FAM209A: variants seen among roughly 807,000 people sequenced by gnomAD.
FAM209A encodes the protein protein FAM209A.
FAM209A carries 4 observed loss-of-function variants against 9.8 expected under a neutral mutation model. The ratio of observed to expected loss-of-function variants is 0.41; its 90% CI spans 0.20 to 0.94. The LOEUF (loss-of-function observed/expected upper bound fraction) is 0.94. FAM209A is among the 40% of genes least tolerant of loss of function. The pLI is 0.32. For missense variants in FAM209A, 205 were observed against 209.4 expected (o/e 0.98, Z 0.13); for synonymous variants, 55 against 77.8 (o/e 0.71, Z 1.54).
At chr20:56,527,889 C>T (rs1985606966), downstream of FAM209A, among the ~76,000 whole-genome samples, 1 of 152,122 alleles carries the variant, frequency 6.6e-6, no homozygotes, top group African/African-American at 2.4e-5. Flanking sequence ...GACAGATCAC[C>T]TGAGGTCAGG....
At chr20:56,531,793 T>C in the FAM209A span, among the ~76,000 whole-genome samples, 1 of 151,548 alleles carries the variant, frequency 6.6e-6, no homozygotes, top group Admixed American at 6.6e-5. Flanking sequence ...ACCTGGCTAA[T>C]TTTTGTATTT....
chr20:56,528,947 A>C (rs970286452), downstream of FAM209A, among the ~76,000 whole-genome samples: 3 of 152,186 alleles, frequency 2.0e-5, no homozygotes, highest in African/African-American at 7.2e-5. Context: ...GGTGGCTCAC[A>C]CCTGTAATCC....
At chr20:56,525,181 C>A (rs1282334041) in intron 1 of FAM209A, 124 bp downstream of exon 1, 31 of 1,314,068 alleles carry the variant, frequency 2.4e-5, no homozygotes, top group Non-Finnish European at 3.1e-5. Flanking sequence ...TGGTCCTGGG[C>A]AAAGCTGGCA....
At chr20:56,528,923 A>G (rs1467751374), downstream of FAM209A, among the ~76,000 whole-genome samples, 3 of 152,210 alleles carry the variant, frequency 2.0e-5, no homozygotes, top group Non-Finnish European at 4.4e-5. Flanking sequence ...AAAACCCAAA[A>G]GAAGACCCGG....
downstream of FAM209A, chr20:56,526,183 T>A (rs1985524835): frequency 6.9e-7 from 1 of 1,441,550 alleles, no homozygotes; most frequent in Non-Finnish European, 9.2e-7. Context: ...CTTCTTTTCT[T>A]TTTTTCACTA....
At chr20:56,531,131 G>C (rs946509067), downstream of FAM209A, among the ~76,000 whole-genome samples, 1 of 151,964 alleles carries the variant, frequency 6.6e-6, no homozygotes, top group Non-Finnish European at 1.5e-5. Context: ...CTCACTTGGG[G>C]GATTCAGCCC....
At chr20:56,533,427 C>T in the FAM209A span, 12 of 1,613,832 alleles carry the variant, frequency 7.4e-6, no homozygotes, top group South Asian at 9.9e-5. Flanking sequence ...AGACAGAAAA[C>T]TAGCGAACCC....
rs199952020 is a variant in FAM209A at position 56,525,742 on chromosome 20, C to T, written c.250-62C>T. 148 of 1,543,026 alleles carry T rather than the reference C, an allele frequency of 9.6e-5. 2 individuals are homozygous for T. In the South Asian group the frequency reaches 1.2e-3, roughly 13 times the overall value. ...ACTACTCAAGTCTGCTGTTGTAACA[C>T]GAACTGTGTCAAAACCAACAAAGTT... On this transcript the variant is annotated intron_variant, in intron 1 of 1. Transcript: ENST00000371328.
chr20:56,526,184 T>G, downstream of FAM209A: 2 of 1,437,844 alleles, frequency 1.4e-6, no homozygotes, highest in South Asian at 3.0e-5. Flanking sequence ...TTCTTTTCTT[T>G]TTTTCACTAG....
downstream of FAM209A, among the ~76,000 whole-genome samples, chr20:56,526,523 G>GTA (rs1305894483): frequency 6.6e-6 from 1 of 152,020 alleles, no homozygotes; most frequent in African/African-American, 2.4e-5. Context: ...TAGGAGGGGT[G>GTA]TATTCTAGAG....
downstream of FAM209A, chr20:56,526,223 C>G (rs1204943872): frequency 2.7e-6 from 3 of 1,117,734 alleles, no homozygotes. Flanking sequence ...GACCAGTAGC[C>G]ATAGCAGTGA....
downstream of FAM209A, among the ~76,000 whole-genome samples, chr20:56,529,520 T>A (rs6024930): frequency 0.059 from 8,731 of 147,342 alleles, 284 homozygotes; most frequent in Middle Eastern, 0.1. Flanking sequence ...ATCTCAAAAA[T>A]AATAATAATT....
At chr20:56,525,288 C>A (rs1404768943) in intron 1 of FAM209A, among the ~76,000 whole-genome samples, 1 of 152,160 alleles carries the variant, frequency 6.6e-6, no homozygotes, top group African/African-American at 2.4e-5. Context: ...TACTGGCTCA[C>A]AGATTTTCTG....
downstream of FAM209A, among the ~76,000 whole-genome samples, chr20:56,528,427 CAAAAAAAAAAA>C (rs34236877): frequency 2.4e-5 from 2 of 81,854 alleles, no homozygotes; most frequent in African/African-American, 4.9e-5. Flanking sequence ...ACCCTCTCTA[CAAAAAAAAAAA>C]AAAAAAAAAA....
chr20:56,525,914 G>T lies in FAM209A; in HGVS notation c.360G>T (p.Glu120Asp), dbSNP rs1054352. Residue 120 changes from glutamate (E) to aspartate (D), a missense_variant, in exon 2 of 2, where the codon GAG (glutamate) becomes GAT (aspartate). Glu to Asp is a conservative substitution (Grantham distance 45). Coordinates refer to ENST00000371328, the MANE Select transcript of FAM209A (RefSeq NM_001012971.4). ...DCAFNTLMELEVELMKFVSKV... is the reference protein window; with the variant it reads ...DCAFNTLMELDVELMKFVSKV... ...CATTCAATACCTTAATGGAACTCGA[G>T]GTGGAGCTTATGAAATTTGTGTCCA... 4.3e-6 allele frequency: 7 copies of T among 1,614,222 alleles called. No individual in the cohort carries two copies. The highest frequency in any genetic ancestry group is 5.1e-6 in the Non-Finnish European group (6 of 1,180,044).
downstream of FAM209A, chr20:56,526,284 A>G: frequency 3.3e-6 from 2 of 605,224 alleles, no homozygotes; most frequent in Non-Finnish European, 5.3e-6. Context: ...GGTGGTGAGA[A>G]GAACACCGAA....
At chr20:56,529,104 A>T (rs141873951), downstream of FAM209A, among the ~76,000 whole-genome samples, 17 of 152,206 alleles carry the variant, frequency 1.1e-4, no homozygotes, top group African/African-American at 3.9e-4. Context: ...GCTACTTGGG[A>T]GGCTGAGGCA....
At chr20:56,526,733 G>A (rs1000161665), downstream of FAM209A, among the ~76,000 whole-genome samples, 6 of 151,622 alleles carry the variant, frequency 4.0e-5, no homozygotes, top group African/African-American at 7.3e-5. Context: ...CTGCACTCCA[G>A]CCTGGGTGAC....
chr20:56,532,436 G>T, the FAM209A span, among the ~76,000 whole-genome samples: 31 of 150,696 alleles, frequency 2.1e-4, no homozygotes, highest in African/African-American at 6.6e-4. Flanking sequence ...TGGGCCCAGT[G>T]CTTCCAGAAC....
Sources: allele counts gnomAD v4.1 joint callset (sites outside exome capture counted in the v4.1 genomes callset), GRCh38; gene constraint gnomAD v4.1.1; transcripts MANE v1.5; gene names NCBI Gene and HGNC (gene_info 2026-07-23, HGNC 2026-07-21).